Variants in AP3D1 observed in about 807,000 individuals in gnomAD.
AP3D1 encodes the protein adaptor related protein complex 3 subunit delta 1.
A neutral mutation model predicts 147.6 loss-of-function variants in AP3D1; 51 were observed. That is an observed-to-expected ratio of 0.35 (90% CI 0.28 to 0.44). The LOEUF (loss-of-function observed/expected upper bound fraction) is 0.44. Ranked by LOEUF, AP3D1 falls within the 20% of genes least tolerant of loss-of-function variation. The pLI is 1.00. For missense variants in AP3D1, 1,421 were observed against 1,624.2 expected, an observed-to-expected ratio of 0.87 and a Z score of 2.15; for synonymous variants, 760 against 663.0, an observed-to-expected ratio of 1.15 and a Z score of -2.25.
chr19:2,101,061 T>C lies in AP3D1; in HGVS notation c.*1112A>G, dbSNP rs1905795871. On this transcript the variant is annotated 3_prime_UTR_variant, in exon 32 of 32. Transcript: ENST00000643116. Reference sequence around the variant, plus strand: ...ATGACAGCAGCGTGATATGTCTCTCTCTTTATACGGGAATGTCGATAGCAA... The same window carrying C: ...ATGACAGCAGCGTGATATGTCTCTCCCTTTATACGGGAATGTCGATAGCAA... 6.6e-6 allele frequency: 1 copy of C among 152,562 alleles called. No individual in the cohort carries two copies. Among genetic ancestry groups the C allele is most frequent in the Non-Finnish European group, 1.5e-5 (1 of 68,046 alleles). 9.5% of individuals were successfully genotyped at this position (152,562 alleles called of 1,614,324 possible). A position where few individuals can be genotyped will look rare whatever the true frequency, so the allele number is the denominator to read the frequency against.
intron 1 of AP3D1, among the ~76,000 whole-genome samples, chr19:2,161,138 A>G (rs2019693617): frequency 6.8e-6 from 1 of 147,790 alleles, no homozygotes; most frequent in African/African-American, 2.5e-5. Flanking sequence ...TGTCTGGCCC[A>G]TCAGGAGCTT....
intron 31 of AP3D1, among the ~76,000 whole-genome samples, chr19:2,103,858 CAAGACACCAGTGCT>C (rs1302738232): frequency 1.3e-5 from 2 of 152,138 alleles, no homozygotes; most frequent in Non-Finnish European, 2.9e-5. Flanking sequence ...GCACCAACAC[CAAGACACCAGTGCT>C]AAGGCACTAA....
At chr19:2,123,230 G>T in intron 11 of AP3D1, 128 bp downstream of exon 11, 1 of 958,848 alleles carries the variant, frequency 1.0e-6, no homozygotes, top group Non-Finnish European at 1.6e-6. Flanking sequence ...CTGAGGCAGA[G>T]TGCCATCCAT....
chr19:2,161,083 A>G (rs1303672099), intron 1 of AP3D1, among the ~76,000 whole-genome samples: 2 of 150,918 alleles, frequency 1.3e-5, no homozygotes, highest in Admixed American at 1.3e-4. Context: ...GTAGGGAGAG[A>G]GAGGAGGTGA....
intron 4 of AP3D1, among the ~76,000 whole-genome samples, chr19:2,133,806 G>A (rs557048066): frequency 6.6e-6 from 1 of 150,498 alleles, no homozygotes; most frequent in Non-Finnish European, 1.5e-5. Context: ...GGGGCCAACT[G>A]GTTCTTTTAA....
At chr19:2,157,253 T>C (rs1386378247) in intron 1 of AP3D1, among the ~76,000 whole-genome samples, 2 of 150,932 alleles carry the variant, frequency 1.3e-5, no homozygotes, top group Non-Finnish European at 3.0e-5. Flanking sequence ...CCATCCCGGC[T>C]AAAACGGTGA....
chr19:2,115,721 C>T lies in AP3D1; in HGVS notation c.2074-108G>A, dbSNP rs925895335. On this transcript the variant is annotated intron_variant, in intron 18 of 31. Coordinates refer to ENST00000643116, the MANE Select transcript of AP3D1 (RefSeq NM_001261826.3). ...GACGCAGCCCCAACATCCTAAGGAG[C>T]TGGGGTCCTGCCAGAGCCCTGGGCC... 5.0e-6 allele frequency: 6 copies of T among 1,203,094 alleles called. No homozygotes were observed. In the African/African-American group the frequency reaches 6.1e-5, roughly 12 times the overall value. The allele number at this position is 1,203,094 out of a possible 1,614,324, so 74.5% of individuals were successfully genotyped here.
In AP3D1 at chr19:2,121,730, G is replaced by A. The variant is rs367696108; in HGVS notation, c.1101+4C>T. 3.7e-5 allele frequency: 59 copies of A among 1,589,538 alleles called. No homozygotes were observed. The highest frequency in any genetic ancestry group is 3.5e-4 in the African/African-American group (26 of 73,924). On this transcript the variant is annotated splice_donor_region_variant and intron_variant, in intron 12 of 31. Coordinates refer to ENST00000643116, the MANE Select transcript of AP3D1 (RefSeq NM_001261826.3). Reference sequence around the variant, plus strand: ...CGGGCGGGCGGCGGACAGAGGGCACGCACCATCCCATAGAGCAGGTCCAGG... The same window carrying A: ...CGGGCGGGCGGCGGACAGAGGGCACACACCATCCCATAGAGCAGGTCCAGG...
At chr19:2,140,625 C>A (rs995478275) in intron 1 of AP3D1, among the ~76,000 whole-genome samples, 1 of 152,188 alleles carries the variant, frequency 6.6e-6, no homozygotes, top group African/African-American at 2.4e-5. Flanking sequence ...CAGGTGTGCG[C>A]CACCACGCCC....
chr19:2,147,955 G>A (rs1046614381), intron 1 of AP3D1, among the ~76,000 whole-genome samples: 28 of 151,638 alleles, frequency 1.8e-4, no homozygotes, highest in African/African-American at 5.3e-4. Context: ...AGGCCGAGGC[G>A]GGAGGATCAC....
chr19:2,161,308 C>T (rs1411914771), intron 1 of AP3D1, among the ~76,000 whole-genome samples: 1 of 151,702 alleles, frequency 6.6e-6, no homozygotes, highest in Non-Finnish European at 1.5e-5. Context: ...ATTACAGGTG[C>T]CTGCCACCAT....
chr19:2,160,665 G>C (rs552545031), intron 1 of AP3D1, among the ~76,000 whole-genome samples: 2 of 152,104 alleles, frequency 1.3e-5, no homozygotes, highest in Admixed American at 6.6e-5. Flanking sequence ...GTCTTAGCCC[G>C]GATAACCTGT....
chr19:2,127,063 G>A (rs1047743743), intron 9 of AP3D1, 89 bp downstream of exon 9: 3 of 1,422,682 alleles, frequency 2.1e-6, no homozygotes, highest in African/African-American at 1.4e-5. Flanking sequence ...GGCGCTCGGA[G>A]ACACCAGGCC....
chr19:2,151,039 C>A (rs1388223517), intron 1 of AP3D1, among the ~76,000 whole-genome samples, 200 bp downstream of exon 1: 5 of 152,250 alleles, frequency 3.3e-5, no homozygotes, highest in Non-Finnish European at 5.9e-5. Context: ...CTTCGCCCCT[C>A]GTGGGGAAAC....
chr19:2,112,796 C>A, intron 24 of AP3D1, 64 bp downstream of exon 24: 1 of 1,360,360 alleles, frequency 7.4e-7, no homozygotes, highest in Non-Finnish European at 1.0e-6. Flanking sequence ...CTGTGTCCGG[C>A]CCCACGTTGG....
chr19:2,148,709 G>T (rs936098031), intron 1 of AP3D1, among the ~76,000 whole-genome samples: 1 of 152,248 alleles, frequency 6.6e-6, no homozygotes, highest in African/African-American at 2.4e-5. Flanking sequence ...AAGTCAGCCA[G>T]TCAGCCCAAG....
At chr19:2,125,744 GTTAA>G (rs2018737050) in intron 9 of AP3D1, among the ~76,000 whole-genome samples, 1 of 151,612 alleles carries the variant, frequency 6.6e-6, no homozygotes, top group African/African-American at 2.4e-5. Context: ...GTGTAGATGT[GTTAA>G]TTATCTGAAT....
intron 20 of AP3D1, 49 bp from the exon 21 acceptor site, chr19:2,114,870 G>A: frequency 6.3e-7 from 1 of 1,593,816 alleles, no homozygotes; most frequent in Non-Finnish European, 8.6e-7. Flanking sequence ...CTTGTGGCCT[G>A]GTGGAACGCC....
chr19:2,114,098 G>C (rs1160403066), intron 22 of AP3D1, 27 bp downstream of exon 22: 2 of 1,543,056 alleles, frequency 1.3e-6, no homozygotes, highest in Non-Finnish European at 1.7e-6. Context: ...GAATGGAGAA[G>C]GCCGCCGCCC....
Sources: gnomAD v4.1 joint callset for allele counts (sites outside exome capture counted in the v4.1 genomes callset) on GRCh38, gnomAD v4.1.1 for gene constraint, MANE v1.5 for transcripts, NCBI Gene and HGNC (gene_info 2026-07-23, HGNC 2026-07-21) for gene names.